CSMD1: variants seen among roughly 807,000 people sequenced by gnomAD.
CSMD1 encodes the protein CUB and Sushi multiple domains 1.
A neutral mutation model predicts 417.5 loss-of-function variants in CSMD1; 213 were observed. The ratio of observed to expected loss-of-function variants is 0.51; its 90% CI spans 0.46 to 0.57. The LOEUF (loss-of-function observed/expected upper bound fraction) is 0.57, where lower values mean the gene tolerates loss of function less well. Among genes scored for constraint, CSMD1 ranks in the 20% least tolerant of loss-of-function variants. The pLI is 0.00. For missense variants in CSMD1, 6,923 were observed against 4,529.7 expected, an observed-to-expected ratio of 1.53 and a Z score of -15.17; for synonymous variants, 2,862 against 1,736.8, an observed-to-expected ratio of 1.65 and a Z score of -16.11.
intron 3 of CSMD1, among the ~76,000 whole-genome samples, chr8:4,172,576 G>C (rs1234599215): frequency 6.6e-6 from 1 of 152,064 alleles, no homozygotes; most frequent in Non-Finnish European, 1.5e-5. Context: ...ATCCAGAACT[G>C]TATATATGGT....
At chr8:3,682,122 T>C (rs1293491302) in intron 7 of CSMD1, among the ~76,000 whole-genome samples, 4 of 152,326 alleles carry the variant, frequency 2.6e-5, no homozygotes, top group South Asian at 4.1e-4. Context: ...ATTCAGGACA[T>C]AGGCATGGGC....
At chr8:4,285,971 T>C (rs1247742962) in intron 3 of CSMD1, among the ~76,000 whole-genome samples, 1 of 152,202 alleles carries the variant, frequency 6.6e-6, no homozygotes, top group Non-Finnish European at 1.5e-5. Context: ...ATTACACGTA[T>C]GCAGTGAGTC....
chr8:4,840,405 A>G (rs1243953343), intron 1 of CSMD1, among the ~76,000 whole-genome samples: 1 of 152,218 alleles, frequency 6.6e-6, no homozygotes. Context: ...ACATATGTCG[A>G]AAACATTTTA....
intron 3 of CSMD1, among the ~76,000 whole-genome samples, chr8:4,269,529 TC>T (rs1249938120): frequency 1.3e-5 from 2 of 152,186 alleles, no homozygotes; most frequent in African/African-American, 4.8e-5. Flanking sequence ...CTAAAAGCCC[TC>T]AATATATCGC....
At chr8:3,386,118 G>A (rs1348631163) in intron 18 of CSMD1, among the ~76,000 whole-genome samples, 1 of 152,058 alleles carries the variant, frequency 6.6e-6, no homozygotes, top group Non-Finnish European at 1.5e-5. Context: ...ATATTCCCTA[G>A]ACAAATGGAG....
At chr8:4,706,306 G>A (rs932609472) in intron 1 of CSMD1, among the ~76,000 whole-genome samples, 36 of 151,974 alleles carry the variant, frequency 2.4e-4, no homozygotes, top group African/African-American at 8.0e-4. Context: ...TGTACCCCAT[G>A]AAATAAGAAA....
At chr8:3,426,068 G>C (rs1585147149) in intron 12 of CSMD1, among the ~76,000 whole-genome samples, 1 of 152,178 alleles carries the variant, frequency 6.6e-6, no homozygotes, top group Non-Finnish European at 1.5e-5. Context: ...GATAATCTGT[G>C]AAAATGTAAA....
At chr8:3,365,006 G>C (rs184563098) in intron 20 of CSMD1, among the ~76,000 whole-genome samples, 2 of 152,154 alleles carry the variant, frequency 1.3e-5, no homozygotes, top group South Asian at 2.1e-4. Flanking sequence ...ACAGACTTGC[G>C]TCACTGCCAT....
At chr8:4,467,135 AAAAAAG>A (rs1800225316) in intron 2 of CSMD1, among the ~76,000 whole-genome samples, 1 of 149,942 alleles carries the variant, frequency 6.7e-6, no homozygotes, top group African/African-American at 2.5e-5. Context: ...AAAAAAAAAA[AAAAAAG>A]AAAAAAAAAG....
At chr8:3,735,504 T>G (rs1796484599) in intron 6 of CSMD1, among the ~76,000 whole-genome samples, 1 of 152,228 alleles carries the variant, frequency 6.6e-6, no homozygotes, top group African/African-American at 2.4e-5. Flanking sequence ...CCCTGTGTAT[T>G]AGCTACTGAT....
intron 55 of CSMD1, among the ~76,000 whole-genome samples, chr8:2,978,180 G>C (rs1350457333): frequency 1.3e-5 from 2 of 152,182 alleles, no homozygotes; most frequent in Admixed American, 6.5e-5. Flanking sequence ...TTTGGCCGTA[G>C]ATGCCAGGTC....
chr8:3,427,341 T>A (rs1432287451), intron 12 of CSMD1, among the ~76,000 whole-genome samples: 1 of 152,212 alleles, frequency 6.6e-6, no homozygotes, highest in Non-Finnish European at 1.5e-5. Flanking sequence ...GAATCAGTAC[T>A]GATTTTTCTT....
intron 5 of CSMD1, among the ~76,000 whole-genome samples, chr8:3,895,202 T>C (rs927851380): frequency 1.3e-5 from 2 of 152,150 alleles, no homozygotes; most frequent in East Asian, 1.9e-4. Flanking sequence ...ACTAAGAAAA[T>C]GGATTTAATT....
At chr8:3,140,399 G>C (rs1448627439) in intron 41 of CSMD1, among the ~76,000 whole-genome samples, 2 of 152,084 alleles carry the variant, frequency 1.3e-5, no homozygotes, top group Non-Finnish European at 2.9e-5. Flanking sequence ...GGAATGATTA[G>C]TGAGTGATAC....
At chr8:4,205,543 G>C (rs868235246) in intron 3 of CSMD1, among the ~76,000 whole-genome samples, 1 of 152,142 alleles carries the variant, frequency 6.6e-6, no homozygotes, top group Non-Finnish European at 1.5e-5. Flanking sequence ...AACTGACATT[G>C]AAAGTTGACG....
chr8:4,471,641 G>T (rs149820024), intron 2 of CSMD1, among the ~76,000 whole-genome samples: 7 of 152,096 alleles, frequency 4.6e-5, no homozygotes, highest in East Asian at 1.9e-4. Context: ...CGACTGGTTG[G>T]AAAGAACTGG....
intron 3 of CSMD1, among the ~76,000 whole-genome samples, chr8:4,315,835 A>G (rs1798892089): frequency 6.6e-6 from 1 of 152,186 alleles, no homozygotes; most frequent in African/African-American, 2.4e-5. Flanking sequence ...AGCGTTTTCA[A>G]AAATTTGTTT....
intron 1 of CSMD1, among the ~76,000 whole-genome samples, chr8:4,847,600 A>G (rs1206144143): frequency 6.6e-6 from 1 of 151,940 alleles, no homozygotes; most frequent in Non-Finnish European, 1.5e-5. Flanking sequence ...AGTTTTGCCT[A>G]ATATCGTTTA....
At chr8:3,179,527 A>G (rs1585570743) in intron 37 of CSMD1, among the ~76,000 whole-genome samples, 1 of 152,338 alleles carries the variant, frequency 6.6e-6, no homozygotes, top group African/African-American at 2.4e-5. Context: ...AAATGTAGAT[A>G]ATTATATTGA....
Sources: gnomAD v4.1 joint callset for allele counts (sites outside exome capture counted in the v4.1 genomes callset) on GRCh38, gnomAD v4.1.1 for gene constraint, MANE v1.5 for transcripts, NCBI Gene and HGNC (gene_info 2026-07-23, HGNC 2026-07-21) for gene names.